The following GREB1 variants were observed in gnomAD, a reference collection of about 807,000 sequenced individuals.
The protein encoded by GREB1 is protein GREB1.
A neutral mutation model predicts 200.7 loss-of-function variants in GREB1; 106 were observed. The observed-to-expected ratio is 0.53, with a 90% CI of 0.45 to 0.62. GREB1 has a LOEUF of 0.62. Ranked by LOEUF, GREB1 falls within the 20% of genes least tolerant of loss-of-function variation. The pLI is 0.00. For synonymous variants in GREB1, 1,132 were observed against 1,092.4 expected (o/e 1.04, Z -0.72); for missense variants, 2,243 against 2,556.8 (o/e 0.88, Z 2.65).
intron 3 of GREB1, among the ~76,000 whole-genome samples, chr2:11,563,443 T>C (rs78162204): frequency 0.024 from 3,642 of 152,366 alleles, 71 homozygotes; most frequent in Middle Eastern, 0.065. Context: ...TGCTGTGCAC[T>C]CAGGCTTGGT....
intron 14 of GREB1, 69 bp downstream of exon 14, chr2:11,598,047 T>C: frequency 9.0e-7 from 1 of 1,109,320 alleles, no homozygotes. Context: ...TGTGTGGGTG[T>C]TGACACTGTT....
chr2:11,561,829 C>T (rs1677076835), intron 2 of GREB1: 1 of 152,610 alleles, frequency 6.6e-6, no homozygotes, highest in Non-Finnish European at 1.5e-5. Flanking sequence ...GTTCATACTA[C>T]CTATATTTTG....
intron 2 of GREB1, among the ~76,000 whole-genome samples, chr2:11,559,290 GT>G (rs1019860136): frequency 6.6e-6 from 1 of 152,222 alleles, no homozygotes; most frequent in African/African-American, 2.4e-5. Context: ...AACACGGCTG[GT>G]TTAGTCTGCT....
chr2:11,559,913 T>C (rs554162914), intron 2 of GREB1, among the ~76,000 whole-genome samples: 3 of 152,186 alleles, frequency 2.0e-5, no homozygotes, highest in Admixed American at 6.5e-5. Flanking sequence ...GATCAGGAGT[T>C]CCTGAGTCAC....
chr2:11,595,431 C>T (rs898329596), intron 12 of GREB1, 52 bp downstream of exon 12: 2 of 1,579,418 alleles, frequency 1.3e-6, no homozygotes, highest in Non-Finnish European at 8.7e-7. Context: ...GGACAGTAAT[C>T]AGTGCCGGGG....
chr2:11,524,104 A>C (rs1052369012), intron 1 of GREB1, among the ~76,000 whole-genome samples: 1 of 152,216 alleles, frequency 6.6e-6, no homozygotes, highest in African/African-American at 2.4e-5. Flanking sequence ...TGCCAGTGCA[A>C]ATTTGTACTC....
rs114179873 is a variant in GREB1 at position 11,636,411 on chromosome 2, T to C, written c.5346+1006T>C. Among the ~76,000 whole-genome samples, 837 of 152,332 alleles carry C rather than the reference T, an allele frequency of 5.5e-3. 9 individuals carry two copies. The highest frequency in any genetic ancestry group is 0.02 in the African/African-American group (811 of 41,568). On this transcript the variant is annotated intron_variant, in intron 30 of 32. Transcript: ENST00000381486. ...ATTGAAACATAATCTTAATTTTCTA[T>C]TATGTTTGATTGTATATTGGTTATG...
At chr2:11,541,502 G>T (rs1163838914) in intron 1 of GREB1, among the ~76,000 whole-genome samples, 2 of 152,050 alleles carry the variant, frequency 1.3e-5, no homozygotes, top group Non-Finnish European at 2.9e-5. Flanking sequence ...TCTCTCTTCA[G>T]ACCCCCATGC....
chr2:11,492,021 C>T lies in GREB1; in HGVS notation c.-159+9640C>T, dbSNP rs928198307. 6.6e-6 allele frequency among the ~76,000 whole-genome samples: 1 copy of T among 152,178 alleles called. No individual in the cohort carries two copies. Among genetic ancestry groups the T allele is most frequent in the Admixed American group, 6.5e-5 (1 of 15,284 alleles). ...TGCACCCTGACTCGGTGACTAGTTC[C>T]CACTTCTTGGGACAGCTGCCCTTGG... is the stretch of plus-strand genomic sequence containing the variant. On this transcript the variant is annotated intron_variant, in intron 1 of 2. Coordinates refer to the GREB1 transcript ENST00000628795. The surrounding 1 kb of genome is among the most constrained non-coding windows in gnomAD (Gnocchi z 4.0).
In GREB1 at chr2:11,596,195, C is replaced by G; in HGVS notation, c.1910C>G (p.Thr637Ser). 1 of 1,613,672 alleles carries G rather than the reference C, an allele frequency of 6.2e-7. No individual in the cohort carries two copies. Among genetic ancestry groups the G allele is most frequent in the Non-Finnish European group, 8.5e-7 (1 of 1,179,572 alleles). Residue 637 changes from threonine to serine, a missense_variant, in exon 13 of 33, where the codon ACT becomes AGT. Thr to Ser is a moderately conservative substitution (Grantham distance 58). Transcript: ENST00000381486. ...TCCTCACTCGCTGCCTCTTCTGTCA[C>G]TAAAGCAGCATCCCTGGATGTCAGT... ...ISSSLAASSV[T>S]KAASLDVSGT...
intron 2 of GREB1, among the ~76,000 whole-genome samples, chr2:11,557,324 G>A (rs1436451645): frequency 2.0e-5 from 3 of 152,206 alleles, no homozygotes; most frequent in Non-Finnish European, 4.4e-5. Flanking sequence ...TTATAGCTGT[G>A]TGTTTTCATT....
At chr2:11,596,357 A>T in intron 13 of GREB1, 118 bp downstream of exon 13, 17 of 397,438 alleles carry the variant, frequency 4.3e-5, no homozygotes, top group Non-Finnish European at 6.5e-5. Context: ...GTGCACAGTG[A>T]GGGGGCAGGG....
intron 11 of GREB1, 79 bp from the exon 12 acceptor site, chr2:11,595,172 T>G: frequency 7.6e-7 from 1 of 1,315,762 alleles, no homozygotes; most frequent in Non-Finnish European, 1.1e-6. Flanking sequence ...TCTAGAAGGG[T>G]TAAGGGACTA....
At chr2:11,577,064 A>G (rs148606099) in intron 5 of GREB1, among the ~76,000 whole-genome samples, 227 of 151,914 alleles carry the variant, frequency 1.5e-3, no homozygotes, top group African/African-American at 5.4e-3. Flanking sequence ...ACGAACAAAA[A>G]AAAAACGTTG....
At position 11,574,126 on chromosome 2, in the gene GREB1, T is replaced by C. The variant is rs565984780; in HGVS notation, c.455-2227T>C. ...CATGAGGTTATTCCTTCAGAGTGCT[T>C]ACAGAAACCCTAACAGGCTGTGTTT... On this transcript the variant is annotated intron_variant, in intron 4 of 32. Coordinates refer to ENST00000381486, the MANE Select transcript of GREB1 (RefSeq NM_014668.4). Among the ~76,000 whole-genome samples, 7 of 152,316 alleles carry C rather than the reference T, an allele frequency of 4.6e-5. No homozygotes were observed. The East Asian group carries it at 9.6e-4, about 21-fold the overall frequency.
intron 1 of GREB1, among the ~76,000 whole-genome samples, chr2:11,504,364 CTG>C (rs1329682774): frequency 6.6e-6 from 1 of 152,288 alleles, no homozygotes; most frequent in Admixed American, 6.5e-5. Context: ...AAAAGTGAAA[CTG>C]TGGATGAGGG....
At chr2:11,571,074 A>G (rs1408439147) in intron 4 of GREB1, among the ~76,000 whole-genome samples, 8 of 152,026 alleles carry the variant, frequency 5.3e-5, no homozygotes, top group African/African-American at 1.7e-4. Context: ...TTCCTTTCCC[A>G]TGGTCTTTTC....
At position 11,618,198 on chromosome 2, in the gene GREB1, G is replaced by GCCACTCC. The variant is rs1558643878; in HGVS notation, c.3413-90_3413-89insCCACTCC. ...CTGGGACAGGTCACTCCTGGGATGG[G>GCCACTCC]TGACTCCTGGGACAGGTCACTCCTG... On this transcript the variant is annotated intron_variant, in intron 21 of 32. Transcript: ENST00000381486. 4.8e-4 allele frequency: 569 copies of GCCACTCC among 1,192,272 alleles called. 10 individuals are homozygous for GCCACTCC. The East Asian group carries it at 5.2e-3, about 11-fold the overall frequency. 73.9% of individuals were successfully genotyped at this position (1,192,272 alleles called of 1,614,324 possible).
At chr2:11,567,383 C>T (rs1339021085) in intron 4 of GREB1, among the ~76,000 whole-genome samples, 1 of 152,166 alleles carries the variant, frequency 6.6e-6, no homozygotes, top group East Asian at 1.9e-4. Flanking sequence ...CCTTGGCCTC[C>T]CAAAGTCCTG....
Sources: allele counts gnomAD v4.1 joint callset (sites outside exome capture counted in the v4.1 genomes callset), GRCh38; gene constraint gnomAD v4.1.1; non-coding constraint Gnocchi (gnomAD v3.1); transcripts MANE v1.5; gene names NCBI Gene and HGNC (gene_info 2026-07-23, HGNC 2026-07-21).